Variants in DCAF10 observed in about 807,000 individuals in gnomAD.
DCAF10 encodes DDB1- and CUL4-associated factor 10.
DCAF10 carries 19 observed loss-of-function variants against 51.9 expected under a neutral mutation model. That is an observed-to-expected ratio of 0.37 (90% CI 0.26 to 0.54). The LOEUF is 0.54. Among genes scored for constraint, DCAF10 ranks in the 20% least tolerant of loss-of-function variants. The pLI is 0.87. For missense variants in DCAF10, 510 were observed against 730.6 expected (o/e 0.70, Z 3.48); for synonymous variants, 291 against 297.1 (o/e 0.98, Z 0.21).
chr9:37,816,648 T>G lies in DCAF10; in HGVS notation c.540-2640T>G, dbSNP rs551492905. Among the ~76,000 whole-genome samples the G allele has an allele frequency of 2.7e-4, 34 of 125,690 alleles. No individual in the cohort carries two copies. In the South Asian group the frequency reaches 5.9e-3, roughly 22 times the overall value. 82.5% of individuals were successfully genotyped at this position (125,690 alleles called of 152,430 possible). On this transcript the variant is annotated intron_variant, in intron 1 of 6. Transcript: ENST00000377724. ...AGATTTAATATAATCTCAATTAACATCTGCACCTGGGGTGTGTGTGTGTGT... is the reference window on the plus strand; with the variant it reads ...AGATTTAATATAATCTCAATTAACAGCTGCACCTGGGGTGTGTGTGTGTGT...
At chr9:37,838,898 T>G (rs1200584224) in intron 2 of DCAF10, among the ~76,000 whole-genome samples, 1 of 151,578 alleles carries the variant, frequency 6.6e-6, no homozygotes, top group Non-Finnish European at 1.5e-5. Flanking sequence ...AGAAAAAAGG[T>G]TTCAGTTCTT....
At chr9:37,814,307 T>TC (rs1829462346) in intron 1 of DCAF10, among the ~76,000 whole-genome samples, 1 of 137,272 alleles carries the variant, frequency 7.3e-6, no homozygotes, top group Admixed American at 7.2e-5. Context: ...CCGGCTTTTT[T>TC]TTTTTTTTTT....
chr9:37,854,462 T>C (rs1013478382), intron 3 of DCAF10, among the ~76,000 whole-genome samples: 1 of 152,186 alleles, frequency 6.6e-6, no homozygotes, highest in Admixed American at 6.5e-5. Context: ...GGGTACAATT[T>C]GATGTCTTGA....
At chr9:37,813,196 G>A (rs2119037677) in intron 1 of DCAF10, among the ~76,000 whole-genome samples, 1 of 152,220 alleles carries the variant, frequency 6.6e-6, no homozygotes, top group South Asian at 2.1e-4. Flanking sequence ...CAACTCCTGG[G>A]CTCAAGCAAT....
intron 3 of DCAF10, among the ~76,000 whole-genome samples, chr9:37,853,504 A>C (rs1564050909): frequency 6.6e-6 from 1 of 152,218 alleles, no homozygotes; most frequent in South Asian, 2.1e-4. Flanking sequence ...AATGATGAGC[A>C]AAAAGATTGT....
rs1160888166 is a variant in DCAF10, at chr9:37,829,693, T to C, written c.653+10292T>C. On this transcript the variant is annotated intron_variant, in intron 2 of 6. Coordinates refer to ENST00000377724, the MANE Select transcript of DCAF10 (RefSeq NM_024345.5). The surrounding 1 kb of genome is among the most constrained non-coding windows in gnomAD (Gnocchi z 4.2). ...GCAGTTGAGCAATATATGGTAAAGC[T>C]GAAGATTAATTTTTTTTTAATAATT... Among the ~76,000 whole-genome samples the C allele has an allele frequency of 6.6e-6, 1 of 152,028 alleles. No homozygotes were observed. Among genetic ancestry groups the C allele is most frequent in the Non-Finnish European group, 1.5e-5 (1 of 68,016 alleles).
intron 1 of DCAF10, among the ~76,000 whole-genome samples, chr9:37,816,659 G>GGGGTGTGTGTGTGTGTGTGTGTGT (rs372664140): frequency 4.3e-4 from 63 of 144,982 alleles, no homozygotes; most frequent in South Asian, 8.9e-4. Context: ...CTGCACCTGG[G>GGGGTGTGTGTGTGTGTGTGTGTGT]GTGTGTGTGT....
intron 5 of DCAF10, among the ~76,000 whole-genome samples, chr9:37,859,059 A>G (rs1830937244): frequency 6.6e-6 from 1 of 152,196 alleles, no homozygotes; most frequent in South Asian, 2.1e-4. Flanking sequence ...ATAAGAGTAT[A>G]TTTTTCTCTA....
chr9:37,848,487 G>C (rs570057554), intron 3 of DCAF10, among the ~76,000 whole-genome samples: 3 of 152,174 alleles, frequency 2.0e-5, no homozygotes, highest in Non-Finnish European at 4.4e-5. Flanking sequence ...CTTACTGTAC[G>C]ATTCTATTTA....
chr9:37,828,279 A>G lies in DCAF10; in HGVS notation c.653+8878A>G, dbSNP rs985700540. 3.2e-4 allele frequency among the ~76,000 whole-genome samples: 49 copies of G among 151,716 alleles called. 1 individual carries two copies. The highest frequency in any genetic ancestry group is 1.1e-3 in the African/African-American group (47 of 41,392). ...ATATAGTTCAAAATCTCCAGCCAACAATTTTCAATTGGATTCAGGTTGGAA... is the reference window on the plus strand; with the variant it reads ...ATATAGTTCAAAATCTCCAGCCAACGATTTTCAATTGGATTCAGGTTGGAA... On this transcript the variant is annotated intron_variant, in intron 2 of 6. Coordinates refer to ENST00000377724, the MANE Select transcript of DCAF10 (RefSeq NM_024345.5).
chr9:37,822,406 TATATA>T (rs1237157782), intron 2 of DCAF10, among the ~76,000 whole-genome samples: 1 of 4,306 alleles, frequency 2.3e-4, no homozygotes, highest in Non-Finnish European at 4.8e-4. Context: ...GAAACTGTGA[TATATA>T]TATATATATA....
intron 2 of DCAF10, among the ~76,000 whole-genome samples, chr9:37,838,352 A>G (rs554254161): frequency 1.3e-5 from 2 of 152,260 alleles, no homozygotes; most frequent in Admixed American, 6.5e-5. Context: ...ATTTGGGAAA[A>G]TGGACACTCT....
chr9:37,860,492 TAAAC>T (rs113858882), intron 6 of DCAF10: 10,207 of 256,902 alleles, frequency 0.04, 1,029 homozygotes, highest in African/African-American at 0.21. Context: ...CATCTCACCC[TAAAC>T]AAACAAACAA....
rs542196982 is a variant in DCAF10, at chr9:37,863,430, C to T, written c.*1922C>T. On this transcript the variant is annotated 3_prime_UTR_variant, in exon 7 of 7. Coordinates refer to ENST00000377724, the MANE Select transcript of DCAF10 (RefSeq NM_024345.5). ...AAAAAATAATAATAGTAAATGAAAGCAATTTTAGAGGTGGAAAATACCTTA... is the reference window on the plus strand; with the variant it reads ...AAAAAATAATAATAGTAAATGAAAGTAATTTTAGAGGTGGAAAATACCTTA... The T allele has an allele frequency of 2.7e-5, 4 of 150,282 alleles. No homozygotes were observed. In the South Asian group the frequency reaches 6.3e-4, roughly 24 times the overall value. The allele number at this position is 150,282 out of a possible 1,614,324, so 9.3% of individuals were successfully genotyped here.
intron 2 of DCAF10, among the ~76,000 whole-genome samples, chr9:37,840,706 C>G (rs1400898623): frequency 6.6e-6 from 1 of 152,078 alleles, no homozygotes; most frequent in African/African-American, 2.4e-5. Flanking sequence ...AGTGTACAGT[C>G]TTTATAATGT....
At chr9:37,836,271 A>G in intron 2 of DCAF10, 1 of 1,577,656 alleles carries the variant, frequency 6.3e-7, no homozygotes, top group East Asian at 2.2e-5. Flanking sequence ...CGTGGAATAT[A>G]TTCAGCGAAA....
chr9:37,848,219 G>A (rs1830531765), intron 3 of DCAF10, among the ~76,000 whole-genome samples: 1 of 152,136 alleles, frequency 6.6e-6, no homozygotes. Flanking sequence ...TCCACTCCTA[G>A]ATATCTATTC....
At position 37,801,416 on chromosome 9, in the gene DCAF10, C is replaced by A. The variant is rs762510038; in HGVS notation, c.539+11C>A. The A allele has an allele frequency of 1.2e-5, 17 of 1,452,108 alleles. No homozygotes were observed. The highest frequency in any genetic ancestry group is 1.5e-5 in the South Asian group (1 of 68,344). The allele number at this position is 1,452,108 out of a possible 1,614,324, so 90.0% of individuals were successfully genotyped here. A position where few individuals can be genotyped will look rare whatever the true frequency, so the allele number is the denominator to read the frequency against. On this transcript the variant is annotated intron_variant, in intron 1 of 6. Transcript: ENST00000377724. This position sits in a 1 kb window ranked among gnomAD's most constrained non-coding sequence, Gnocchi z 5.5. The stretch of plus-strand genomic sequence containing the variant: ...GTACTCGCCCGACGGGTAAGCGCGG[C>A]CCCTCGGAGGGCGGGCGCCCGCCTC...
chr9:37,800,554 A>T, upstream of DCAF10: 1 of 1,529,198 alleles, frequency 6.5e-7, no homozygotes. Context: ...TGGTCAGGCC[A>T]CTCATCCCCA....
Sources: allele counts gnomAD v4.1 joint callset (sites outside exome capture counted in the v4.1 genomes callset), GRCh38; gene constraint gnomAD v4.1.1; non-coding constraint Gnocchi (gnomAD v3.1); transcripts MANE v1.5; gene names NCBI Gene and HGNC (gene_info 2026-07-23, HGNC 2026-07-21).